The following USP10 variants were observed in gnomAD, a reference collection of about 807,000 sequenced individuals.
USP10 encodes the protein ubiquitin specific peptidase 10, also known as ubiquitin carboxyl-terminal hydrolase 10.
USP10 carries 22 observed loss-of-function variants against 84.5 expected under a neutral mutation model. That is an observed-to-expected ratio of 0.26 (90% CI 0.19 to 0.37). The LOEUF (loss-of-function observed/expected upper bound fraction) is 0.37, where lower values mean the gene tolerates loss of function less well. USP10 is among the 10% of genes least tolerant of loss of function. USP10 has a pLI of 1.00. For missense variants in USP10, 1,019 were observed against 998.9 expected (o/e 1.02, Z -0.27); for synonymous variants, 454 against 387.6 (o/e 1.17, Z -2.01).
intron 1 of USP10, among the ~76,000 whole-genome samples, chr16:84,724,235 A>G (rs1908171663): frequency 6.6e-6 from 1 of 152,132 alleles, no homozygotes; most frequent in African/African-American, 2.4e-5. Context: ...CAGGACTGGA[A>G]AGTTGGTAAA....
intron 1 of USP10, among the ~76,000 whole-genome samples, chr16:84,701,775 G>A (rs1210649568): frequency 6.6e-6 from 1 of 152,108 alleles, no homozygotes. Flanking sequence ...AGTCTAAAGC[G>A]TTATACACAT....
intron 1 of USP10, among the ~76,000 whole-genome samples, chr16:84,710,145 C>T (rs893909110): frequency 1.3e-5 from 2 of 151,946 alleles, no homozygotes; most frequent in African/African-American, 4.8e-5. Context: ...TGGCGCATGT[C>T]TGTAATCCCA....
chr16:84,719,806 TAAAGCAAGCTA>T (rs1907546402), intron 1 of USP10, among the ~76,000 whole-genome samples: 2 of 152,266 alleles, frequency 1.3e-5, no homozygotes, highest in African/African-American at 4.8e-5. Context: ...TTTTTGCTGG[TAAAGCAAGCTA>T]TACTTGCATA....
Position 84,745,248 on chromosome 16 carries a change from C to A in USP10, c.767C>A (p.Pro256His). 6.2e-7 allele frequency: 1 copy of A among 1,613,540 alleles called. No homozygotes were observed. Reference protein sequence around the residue: ...PGADFGQSCFPAEAGRDTLSR... With the variant: ...PGADFGQSCFHAEAGRDTLSR... ...GCTGATTTTGGTCAGTCCTGCTTCC[C>A]TGCAGAGGCTGGCAGAGACACCCTG... Residue 256 changes from proline (P) to histidine (H), a missense_variant, in exon 4 of 14, where the codon CCT becomes CAT. Physicochemically the swap from Pro to His is moderately conservative, Grantham distance 77. Around this residue, in one of 2 missense-constraint regions of USP10, gnomAD observed 787 missense variants for 708.8 expected, o/e 1.11. Transcript: ENST00000219473.
chr16:84,776,283 A>G (rs1197943547), intron 13 of USP10, among the ~76,000 whole-genome samples: 5 of 151,344 alleles, frequency 3.3e-5, no homozygotes, highest in South Asian at 2.1e-4. Context: ...GGGCCCAGGG[A>G]TGGGGGCCCA....
chr16:84,752,709 G>T (rs1912075610), intron 4 of USP10, among the ~76,000 whole-genome samples: 1 of 152,198 alleles, frequency 6.6e-6, no homozygotes, highest in South Asian at 2.1e-4. Context: ...AATTAGAACT[G>T]CTTTTGCACC....
At position 84,759,923 on chromosome 16, in the gene USP10, C is replaced by T. The variant is rs1305115481; in HGVS notation, c.1427C>T (p.Pro476Leu). Residue 476 changes from proline to leucine, a missense_variant, in exon 7 of 14, where the codon CCA (proline) becomes CTA (leucine). Physicochemically the swap from Pro to Leu is moderately conservative, Grantham distance 98 (BLOSUM62 -3). This residue lies in a region of USP10 where 787 missense variants were observed against 708.8 expected (regional missense o/e 1.11). Transcript: ENST00000219473. ...CTAATGAATGAGTTCACTAATATGC[C>T]AGTACCTCCAAAACCCCGACAAGGT... ...VRLMNEFTNM[P>L]VPPKPRQALG... 2.5e-6 allele frequency: 4 copies of T among 1,613,926 alleles called. No homozygotes were observed. The African/African-American group carries it at 5.3e-5, about 22-fold the overall frequency.
rs369054433 is a variant in USP10 at position 84,744,818 on chromosome 16, A to G, written c.337A>G (p.Ile113Val). Residue 113 changes from isoleucine to valine, a missense_variant, in exon 4 of 14, where the codon ATC becomes GTC. By Grantham distance (29) the Ile-to-Val change is conservative. Coordinates refer to ENST00000219473, the MANE Select transcript of USP10 (RefSeq NM_005153.3). ...CACTAAAGAAGCAAGCTATGGCTCC[A>G]TCGACTGCCAGTACCCAGGCTCTGC... ...GITKEASYGS[I>V]DCQYPGSALA... 32 of 1,613,674 alleles carry G rather than the reference A, an allele frequency of 2.0e-5. No individual in the cohort carries two copies. The highest frequency in any genetic ancestry group is 8.0e-5 in the African/African-American group (6 of 74,922).
rs533198659 is a variant in USP10 at position 84,752,607 on chromosome 16, G to A, written c.1193-6109G>A. 2.0e-5 allele frequency among the ~76,000 whole-genome samples: 3 copies of A among 152,338 alleles called. No homozygotes were observed. In the South Asian group the frequency reaches 6.2e-4, roughly 32 times the overall value. On this transcript the variant is annotated intron_variant, in intron 4 of 13. Coordinates refer to ENST00000219473, the MANE Select transcript of USP10 (RefSeq NM_005153.3). Reference sequence around the variant, plus strand: ...GAGTGATATTAGAAATTTGGAAGTGGTATTAGTTCTGGCTTGTCCGTAAGA... The same window carrying A: ...GAGTGATATTAGAAATTTGGAAGTGATATTAGTTCTGGCTTGTCCGTAAGA...
At chr16:84,742,433 C>G (rs1236767390) in intron 3 of USP10, among the ~76,000 whole-genome samples, 2 of 152,198 alleles carry the variant, frequency 1.3e-5, no homozygotes, top group Non-Finnish European at 2.9e-5. Context: ...TAAATGTGAA[C>G]TCTCTGAGCA....
At chr16:84,707,382 TTTC>T (rs1471387698) in intron 1 of USP10, among the ~76,000 whole-genome samples, 1 of 152,248 alleles carries the variant, frequency 6.6e-6, no homozygotes, top group Non-Finnish European at 1.5e-5. Flanking sequence ...TTTATTTTAT[TTTC>T]TAGTATAAAG....
chr16:84,709,535 A>G (rs1026854747), intron 1 of USP10, among the ~76,000 whole-genome samples: 17 of 152,146 alleles, frequency 1.1e-4, no homozygotes, highest in African/African-American at 3.6e-4. Context: ...TTTTGGGATC[A>G]TACTCTGCCC....
At chr16:84,705,294 G>A (rs906732173) in intron 1 of USP10, among the ~76,000 whole-genome samples, 1 of 151,778 alleles carries the variant, frequency 6.6e-6, no homozygotes, top group Non-Finnish European at 1.5e-5. Flanking sequence ...TGCATTGGCG[G>A]TATCTTGTCT....
chr16:84,764,092 C>T lies in USP10; in HGVS notation c.1661C>T (p.Thr554Met), dbSNP rs370050970. ...CAGATGCTCTCCTTTTCAGAACTTA[C>T]GATTTCCAACGGCCCCAAAAACCAC... ...KLLSPSNEKL[T>M]ISNGPKNHSV... The change falls in exon 10 of 14, where the codon ACG (threonine) becomes ATG (methionine). Residue 554 changes from threonine (T) to methionine (M), a missense_variant. By Grantham distance (81) the Thr-to-Met change is moderately conservative. Coordinates refer to ENST00000219473, the MANE Select transcript of USP10 (RefSeq NM_005153.3). 2.5e-5 allele frequency: 41 copies of T among 1,611,986 alleles called. No individual in the cohort carries two copies. Among genetic ancestry groups the T allele is most frequent in the Non-Finnish European group, 3.3e-5 (39 of 1,179,074 alleles).
At chr16:84,720,483 T>G (rs1422805527) in intron 1 of USP10, among the ~76,000 whole-genome samples, 2 of 151,656 alleles carry the variant, frequency 1.3e-5, no homozygotes, top group East Asian at 3.9e-4. Context: ...CAGGCAAGAA[T>G]AATCTGAAGT....
chr16:84,731,223 C>T (rs1909184263), intron 1 of USP10, among the ~76,000 whole-genome samples: 1 of 151,794 alleles, frequency 6.6e-6, no homozygotes, highest in Non-Finnish European at 1.5e-5. Context: ...TCATGATCCG[C>T]CCACCTCGGC....
intron 13 of USP10, among the ~76,000 whole-genome samples, chr16:84,778,124 T>C (rs1915211533): frequency 6.6e-6 from 1 of 151,404 alleles, no homozygotes; most frequent in Admixed American, 6.6e-5. Context: ...TGTGTTTTGT[T>C]CTGTTAAAAC....
chr16:84,746,803 C>CT (rs976793785), intron 4 of USP10, among the ~76,000 whole-genome samples: 1 of 152,138 alleles, frequency 6.6e-6, no homozygotes, highest in Non-Finnish European at 1.5e-5. Context: ...CCTACTGTAA[C>CT]TTTTTTACGT....
rs75839378 is a variant in USP10, at chr16:84,765,937, C to G, written c.1832+1674C>G. On this transcript the variant is annotated intron_variant, in intron 10 of 13. Transcript: ENST00000219473. ...TGGAATTCAGCAAAACTTGTACCAT[C>G]TCCAAGAAGGTTTACCCATCGAAAG... Among the ~76,000 whole-genome samples the G allele has an allele frequency of 8.5e-5, 13 of 152,350 alleles. No individual in the cohort carries two copies. The East Asian group carries it at 2.5e-3, about 29-fold the overall frequency.
Sources: gnomAD v4.1 joint callset for allele counts (sites outside exome capture counted in the v4.1 genomes callset) on GRCh38, gnomAD v4.1.1 for gene constraint, gnomAD v4.1.1 regional missense constraint, MANE v1.5 for transcripts, NCBI Gene and HGNC (gene_info 2026-07-23, HGNC 2026-07-21) for gene names.